PTPRU: variants seen among roughly 807,000 people sequenced by gnomAD.
The protein encoded by PTPRU is receptor-type tyrosine-protein phosphatase U.
In PTPRU, 69 loss-of-function variants were observed where a neutral mutation model predicts 166.3. That is an observed-to-expected ratio of 0.41 (90% CI 0.34 to 0.51). The LOEUF (loss-of-function observed/expected upper bound fraction) is 0.51. PTPRU is among the 20% of genes least tolerant of loss of function. The pLI is 0.09. For missense variants in PTPRU, 1,657 were observed against 2,013.7 expected (o/e 0.82, Z 3.39); for synonymous variants, 793 against 814.0 (o/e 0.97, Z 0.44).
intron 1 of PTPRU, among the ~76,000 whole-genome samples, chr1:29,254,796 CTGAG>C (rs1032334718): frequency 6.6e-6 from 1 of 152,164 alleles, no homozygotes; most frequent in Non-Finnish European, 1.5e-5. Flanking sequence ...TGACAGAACA[CTGAG>C]TAACAATCCG....
chr1:29,286,020 A>T (rs1686328768), intron 14 of PTPRU, among the ~76,000 whole-genome samples: 1 of 152,352 alleles, frequency 6.6e-6, no homozygotes, highest in African/African-American at 2.4e-5. Flanking sequence ...GGCTGGGCAT[A>T]CATGGATGAG....
intron 18 of PTPRU, among the ~76,000 whole-genome samples, chr1:29,309,808 A>G (rs560622193): frequency 1.0e-3 from 155 of 152,348 alleles, no homozygotes; most frequent in African/African-American, 3.2e-3. Flanking sequence ...TGGGAAGTTC[A>G]CGAGACCGGA....
rs35789721 is a variant in PTPRU at position 29,297,052 on chromosome 1, GT to G, written c.2476+5045del. ...TACCATTTTACCCTGCTTAGTAGCT[GT>G]TTTTTTTTTTTTTTTTTTGAAACAG... On this transcript the variant is annotated intron_variant, in intron 15 of 29. Coordinates refer to ENST00000373779, the MANE Select transcript of PTPRU (RefSeq NM_133178.4). Among the ~76,000 whole-genome samples the G allele has an allele frequency of 3.4e-3, 379 of 111,384 alleles. 1 individual carries two copies. The highest frequency in any genetic ancestry group is 0.023 in the Admixed American group (226 of 10,028). 73.1% of individuals were successfully genotyped at this position (111,384 alleles called of 152,430 possible). A position where few individuals can be genotyped will look rare whatever the true frequency, so the allele number is the denominator to read the frequency against.
chr1:29,243,044 C>T (rs1684126585), intron 1 of PTPRU, among the ~76,000 whole-genome samples: 1 of 152,050 alleles, frequency 6.6e-6, no homozygotes, highest in Non-Finnish European at 1.5e-5. Context: ...ACTACAGGCG[C>T]GTGCCACCAC....
At chr1:29,240,091 CA>C (rs1454979955) in intron 1 of PTPRU, among the ~76,000 whole-genome samples, 1 of 152,140 alleles carries the variant, frequency 6.6e-6, no homozygotes, top group Non-Finnish European at 1.5e-5. Context: ...GGCCTTTGGG[CA>C]AGCCGTGCTT....
At chr1:29,309,325 A>C (rs1477121722) in intron 18 of PTPRU, among the ~76,000 whole-genome samples, 2 of 151,970 alleles carry the variant, frequency 1.3e-5, no homozygotes, top group African/African-American at 4.8e-5. Flanking sequence ...ATCCCCCGGG[A>C]GATTTATGTC....
At position 29,311,431 on chromosome 1, in the gene PTPRU, A is replaced by AGGC; in HGVS notation, c.2858-24_2858-22dup. On this transcript the variant is annotated intron_variant, in intron 19 of 29. Coordinates refer to ENST00000373779, the MANE Select transcript of PTPRU (RefSeq NM_133178.4). This position sits in a 1 kb window ranked among gnomAD's most constrained non-coding sequence, Gnocchi z 4.1. ...GGGGTGGAGACCTTGTCTCAGGGAC[A>AGGC]GGCACCCTCTGCCTGCATCCCCAGG... is the stretch of plus-strand genomic sequence containing the variant. 6.2e-7 allele frequency: 1 copy of AGGC among 1,611,690 alleles called. No homozygotes were observed. Among genetic ancestry groups the AGGC allele is most frequent in the Non-Finnish European group, 8.5e-7 (1 of 1,178,402 alleles).
At position 29,319,856 on chromosome 1, in the gene PTPRU, C is replaced by T. The variant is rs1024224034; in HGVS notation, c.3688-829C>T. Reference sequence around the variant, plus strand: ...CGGGGAAGGGAGGGGGGACATGGCACAGGGTGGGGCAGGGCAGGTCACCAG... The same window carrying T: ...CGGGGAAGGGAGGGGGGACATGGCATAGGGTGGGGCAGGGCAGGTCACCAG... On this transcript the variant is annotated intron_variant, in intron 25 of 29. Transcript: ENST00000373779. Among the ~76,000 whole-genome samples, 4 of 151,546 alleles carry T rather than the reference C, an allele frequency of 2.6e-5. No individual in the cohort carries two copies. In the East Asian group the frequency reaches 5.9e-4, roughly 22 times the overall value.
Position 29,291,820 on chromosome 1 carries a change from T to C in PTPRU, c.2319-49T>C, listed in dbSNP as rs2151957892. Reference sequence around the variant, plus strand: ...GGCCTCCCCAGCCACCTCTGGGTGCTGTCCAGCCCCACACAATGCCTGTGT... The same window carrying C: ...GGCCTCCCCAGCCACCTCTGGGTGCCGTCCAGCCCCACACAATGCCTGTGT... On this transcript the variant is annotated intron_variant, in intron 14 of 29. Transcript: ENST00000373779. This position sits in a 1 kb window ranked among gnomAD's most constrained non-coding sequence, Gnocchi z 4.1. 6.3e-7 allele frequency: 1 copy of C among 1,598,682 alleles called. No individual in the cohort carries two copies. The highest frequency in any genetic ancestry group is 1.7e-4 in the Middle Eastern group (1 of 6,026).
At chr1:29,306,653 CGG>C (rs1687404017) in intron 18 of PTPRU, among the ~76,000 whole-genome samples, 1 of 152,072 alleles carries the variant, frequency 6.6e-6, no homozygotes, top group South Asian at 2.1e-4. Flanking sequence ...AAGAGTGTCC[CGG>C]GTGAGGAGCT....
rs778013986 is a variant in PTPRU at position 29,315,924 on chromosome 1, G to C, written c.3364-78G>C. On this transcript the variant is annotated intron_variant, in intron 23 of 29. Transcript: ENST00000373779. The surrounding 1 kb of genome is among the most constrained non-coding windows in gnomAD (Gnocchi z 4.5). ...CCTCAGGACACCCTGCTTCAACCTT[G>C]AGCTTGCTTAAGCCCCATCACCACA... is the stretch of plus-strand genomic sequence containing the variant. 11 of 1,534,562 alleles carry C rather than the reference G, an allele frequency of 7.2e-6. No individual in the cohort carries two copies.
intron 18 of PTPRU, 82 bp from the exon 19 acceptor site, chr1:29,310,662 C>A: frequency 6.9e-7 from 1 of 1,443,216 alleles, no homozygotes; most frequent in Non-Finnish European, 9.8e-7. Flanking sequence ...GGTTCTGCTG[C>A]TGGGAGGGGA....
intron 7 of PTPRU, among the ~76,000 whole-genome samples, chr1:29,274,361 C>T (rs776027254): frequency 2.6e-5 from 4 of 152,168 alleles, no homozygotes; most frequent in Admixed American, 6.6e-5. Context: ...TTTAAAGACT[C>T]GAGAACAATG....
rs116375334 is a variant in PTPRU at position 29,256,728 on chromosome 1, G to A, written c.205+1322G>A. Reference sequence around the variant, plus strand: ...AGGTACCCACCATGGCAGGGACCTCGTGTGGGCCTCTCCATATTCCCAGGG... The same window carrying A: ...AGGTACCCACCATGGCAGGGACCTCATGTGGGCCTCTCCATATTCCCAGGG... On this transcript the variant is annotated intron_variant, in intron 2 of 29. Coordinates refer to ENST00000373779, the MANE Select transcript of PTPRU (RefSeq NM_133178.4). 7.5e-3 allele frequency among the ~76,000 whole-genome samples: 1,148 copies of A among 152,316 alleles called. 10 individuals are homozygous for A. Among genetic ancestry groups the A allele is most frequent in the African/African-American group, 0.023 (948 of 41,560 alleles).
In PTPRU at chr1:29,326,057, A is replaced by G. The variant is rs1486450545; in HGVS notation, c.*396A>G. The G allele has an allele frequency of 1.7e-5, 7 of 403,520 alleles. No individual in the cohort carries two copies. Among genetic ancestry groups the G allele is most frequent in the Non-Finnish European group, 3.0e-5 (7 of 230,012 alleles). The allele number at this position is 403,520 out of a possible 1,614,324, so 25.0% of individuals were successfully genotyped here. ...GCCCTGCAGAGAGCATCCCAGGCCA[A>G]GGTTCCCACTCAGCCTGCCCCCTCT... On this transcript the variant is annotated 3_prime_UTR_variant, in exon 30 of 30. Transcript: ENST00000373779.
chr1:29,242,804 G>T (rs1248941714), intron 1 of PTPRU, among the ~76,000 whole-genome samples: 1 of 152,082 alleles, frequency 6.6e-6, no homozygotes, highest in East Asian at 1.9e-4. Flanking sequence ...TTCAATCCAG[G>T]CCCCTTCTCT....
In PTPRU at chr1:29,237,941, C is replaced by G. The variant is rs1421054974; in HGVS notation, c.73+1224C>G. Among the ~76,000 whole-genome samples, 2 of 149,970 alleles carry G rather than the reference C, an allele frequency of 1.3e-5. No homozygotes were observed. The highest frequency in any genetic ancestry group is 4.9e-5 in the African/African-American group (2 of 41,100). On this transcript the variant is annotated intron_variant, in intron 1 of 29. Transcript: ENST00000373779. This position sits in a 1 kb window ranked among gnomAD's most constrained non-coding sequence, Gnocchi z 6.4. Reference sequence around the variant, plus strand: ...GCGCGGGCAGGGCCTGGCTCGCCGCCGGGGGACGGCGCCCCCTCCCTTGGC... The same window carrying G: ...GCGCGGGCAGGGCCTGGCTCGCCGCGGGGGGACGGCGCCCCCTCCCTTGGC...
intron 7 of PTPRU, among the ~76,000 whole-genome samples, chr1:29,268,926 A>G (rs529916240): frequency 6.6e-6 from 1 of 152,252 alleles, no homozygotes; most frequent in South Asian, 2.1e-4. Flanking sequence ...AGATGAATAA[A>G]CTCAGATTTA....
intron 1 of PTPRU, among the ~76,000 whole-genome samples, chr1:29,239,572 G>C (rs1683946478): frequency 6.6e-6 from 1 of 152,150 alleles, no homozygotes; most frequent in African/African-American, 2.4e-5. Flanking sequence ...CATCGTGCTT[G>C]ATGGAGACAG....
Sources: gnomAD v4.1 joint callset for allele counts (sites outside exome capture counted in the v4.1 genomes callset) on GRCh38, gnomAD v4.1.1 for gene constraint, Gnocchi (gnomAD v3.1) non-coding constraint, MANE v1.5 for transcripts, NCBI Gene and HGNC (gene_info 2026-07-23, HGNC 2026-07-21) for gene names.